TBC1D30: variants seen among roughly 807,000 people sequenced by gnomAD.
The protein encoded by TBC1D30 is TBC1 domain family member 30.
TBC1D30 carries 31 observed loss-of-function variants against 63.2 expected under a neutral mutation model. That is an observed-to-expected ratio of 0.49 (90% CI 0.37 to 0.66). The LOEUF (loss-of-function observed/expected upper bound fraction) is 0.66, where lower values mean the gene tolerates loss of function less well. Ranked by LOEUF, TBC1D30 falls within the 30% of genes least tolerant of loss-of-function variation. The pLI, the probability that TBC1D30 is intolerant of heterozygous loss-of-function variation, is 0.00. For synonymous variants in TBC1D30, 307 were observed against 361.5 expected, an observed-to-expected ratio of 0.85 and a Z score of 1.71; for missense variants, 810 against 953.6, an observed-to-expected ratio of 0.85 and a Z score of 1.98.
chr12:64,834,531 C>T (rs574978599), intron 5 of TBC1D30, among the ~76,000 whole-genome samples: 225 of 151,410 alleles, frequency 1.5e-3, no homozygotes, highest in African/African-American at 5.1e-3. Flanking sequence ...CTCAGCCTCC[C>T]GAGTAGCTGG....
intron 5 of TBC1D30, among the ~76,000 whole-genome samples, 151 bp downstream of exon 5, chr12:64,832,455 C>T (rs1031527530): frequency 1.4e-4 from 21 of 152,176 alleles, no homozygotes; most frequent in African/African-American, 4.8e-4. Context: ...CAGGTTAGAG[C>T]CATGTCAAGT....
At chr12:64,774,814 C>T (rs1041331000) in intron 1 of TBC1D30, among the ~76,000 whole-genome samples, 8 of 151,972 alleles carry the variant, frequency 5.3e-5, no homozygotes, top group East Asian at 1.9e-4. Context: ...GAAAGAAGGC[C>T]GGGCATGGTG....
In TBC1D30 at chr12:64,765,490, CAAAAA is replaced by C. The variant is rs60489979; in HGVS notation, c.-376+5867_-376+5871del. ...CTGGGCGACAGAGCAAGACTGTCTCCAAAAAAAAAAAAAAAAAAAAAAAAAAAAAA... is the reference window on the plus strand; with the variant it reads ...CTGGGCGACAGAGCAAGACTGTCTCCAAAAAAAAAAAAAAAAAAAAAAAAA... On this transcript the variant is annotated intron_variant, in intron 1 of 13. Transcript: ENST00000674237. 5.1e-3 allele frequency among the ~76,000 whole-genome samples: 89 copies of C among 17,578 alleles called. 1 individual carries two copies. The highest frequency in any genetic ancestry group is 0.012 in the African/African-American group (81 of 6,530). The allele number at this position is 17,578 out of a possible 152,430, so 11.5% of individuals were successfully genotyped here. A position where few individuals can be genotyped will look rare whatever the true frequency, so the allele number is the denominator to read the frequency against.
At chr12:64,781,389 G>A in intron 1 of TBC1D30, 1 of 993,958 alleles carries the variant, frequency 1.0e-6, no homozygotes, top group East Asian at 1.1e-4. Context: ...TCGGCGGAGC[G>A]CTCAGATACT....
rs868772593 is a variant in TBC1D30 at position 64,824,768 on chromosome 12, G to T, written c.-112G>T. On this transcript the variant is annotated 5_prime_UTR_variant, in exon 1 of 12. Coordinates refer to ENST00000539867, the MANE Select transcript of TBC1D30 (RefSeq NM_015279.2). ...CCGGCTGTGCGCTCCCTGCTCCCAC[G>T]GGCCGGTCAGCCGCAGACACTCACC... 1 of 1,388,890 alleles carries T rather than the reference G, an allele frequency of 7.2e-7. No individual in the cohort carries two copies. The highest frequency in any genetic ancestry group is 9.5e-7 in the Non-Finnish European group (1 of 1,051,366). 86.0% of individuals were successfully genotyped at this position (1,388,890 alleles called of 1,614,324 possible).
intron 1 of TBC1D30, among the ~76,000 whole-genome samples, chr12:64,827,187 T>C (rs1278945573): frequency 2.0e-5 from 3 of 152,220 alleles, no homozygotes; most frequent in African/African-American, 7.2e-5. Flanking sequence ...CCGTGGCTCA[T>C]GTCTGTAATC....
chr12:64,880,565 C>T lies in TBC1D30; in HGVS notation c.*4777C>T, dbSNP rs1275040500. 1 of 152,258 alleles carries T rather than the reference C, an allele frequency of 6.6e-6. No homozygotes were observed. The highest frequency in any genetic ancestry group is 1.5e-5 in the Non-Finnish European group (1 of 68,060). 9.4% of individuals were successfully genotyped at this position (152,258 alleles called of 1,614,324 possible). On this transcript the variant is annotated 3_prime_UTR_variant, in exon 12 of 12. Transcript: ENST00000539867. ...CTTCTGATAAGGGCACTAACCTCAT[C>T]ATGAGGGTCCCATCCTCCTGGTGTC...
At position 64,775,104 on chromosome 12, in the gene TBC1D30, A is replaced by AAT. The variant is rs1555165730; in HGVS notation, c.-375-10765_-375-10764dup. Among the ~76,000 whole-genome samples the AAT allele has an allele frequency of 3.4e-3, 503 of 147,930 alleles. 5 individuals carry two copies. The highest frequency in any genetic ancestry group is 0.011 in the African/African-American group (463 of 40,352). On this transcript the variant is annotated intron_variant, in intron 1 of 13. Coordinates refer to the TBC1D30 transcript ENST00000674237. ...TGAGACTGTGTCTCAAAAAAAAAAA[A>AAT]ATATATATATATAGATATAGATATA...
intron 1 of TBC1D30, among the ~76,000 whole-genome samples, chr12:64,761,863 A>G (rs1466822044): frequency 6.6e-6 from 1 of 152,180 alleles, no homozygotes; most frequent in African/African-American, 2.4e-5. Flanking sequence ...GAGATCCAAG[A>G]ACCCTTTCTT....
At chr12:64,763,798 A>C (rs1451729054) in intron 1 of TBC1D30, among the ~76,000 whole-genome samples, 4 of 151,890 alleles carry the variant, frequency 2.6e-5, no homozygotes, top group Non-Finnish European at 5.9e-5. Context: ...TAGTAGAGAC[A>C]GTGTTTCACC....
At chr12:64,856,162 G>T (rs1877279700) in intron 8 of TBC1D30, among the ~76,000 whole-genome samples, 1 of 150,658 alleles carries the variant, frequency 6.6e-6, no homozygotes, top group Non-Finnish European at 1.5e-5. Context: ...GAGAGAGTTA[G>T]ATGGGGGGGG....
chr12:64,780,607 C>T (rs557644750), exon 1 of TBC1D30, among the ~76,000 whole-genome samples: 2,065 of 152,298 alleles, frequency 0.014, 11 homozygotes, highest in Non-Finnish European at 0.022. Flanking sequence ...TGGCAGTCTC[C>T]TTCTCGCCCG....
Position 64,877,105 on chromosome 12 carries a change from A to G in TBC1D30, c.*1317A>G, listed in dbSNP as rs1026536542. The G allele has an allele frequency of 2.5e-5, 8 of 324,598 alleles. No homozygotes were observed. Among genetic ancestry groups the G allele is most frequent in the African/African-American group, 1.1e-4 (5 of 46,388 alleles). 20.1% of individuals were successfully genotyped at this position (324,598 alleles called of 1,614,324 possible). ...CTCAAAGGACCTGTCTCCAGATGGT[A>G]CAGAGTCCCTTGATGGCATTTTACA... On this transcript the variant is annotated 3_prime_UTR_variant, in exon 12 of 12. Transcript: ENST00000539867.
intron 2 of TBC1D30, among the ~76,000 whole-genome samples, chr12:64,798,805 CTT>C (rs1227349778): frequency 5.5e-5 from 7 of 127,210 alleles, no homozygotes; most frequent in Admixed American, 8.0e-5. Context: ...CTTCAGGCAC[CTT>C]TTTTTTTTTT....
At chr12:64,822,517 T>A (rs1170653550), upstream of TBC1D30, among the ~76,000 whole-genome samples, 3 of 150,754 alleles carry the variant, frequency 2.0e-5, no homozygotes, top group Non-Finnish European at 3.0e-5. Context: ...TTTTTACTTC[T>A]GAGGCAGGGT....
At chr12:64,827,794 A>G (rs1180324386) in intron 1 of TBC1D30, 41 bp from the exon 2 acceptor site, 1 of 1,333,108 alleles carries the variant, frequency 7.5e-7, no homozygotes, top group Admixed American at 2.1e-5. Flanking sequence ...AACTTGTTAT[A>G]GTCTCCAAAA....
chr12:64,775,267 A>G (rs1420483344), intron 1 of TBC1D30, among the ~76,000 whole-genome samples: 1 of 152,140 alleles, frequency 6.6e-6, no homozygotes, highest in Non-Finnish European at 1.5e-5. Context: ...ACAGGATCAA[A>G]TGTATACATA....
chr12:64,836,913 T>C (rs763897187), intron 6 of TBC1D30, among the ~76,000 whole-genome samples: 5 of 152,222 alleles, frequency 3.3e-5, no homozygotes, highest in Non-Finnish European at 7.3e-5. Context: ...TGAAATGATG[T>C]ACTCTGGATG....
intron 8 of TBC1D30, among the ~76,000 whole-genome samples, chr12:64,845,681 G>A (rs147569662): frequency 0.035 from 5,295 of 150,008 alleles, 198 homozygotes; most frequent in East Asian, 0.15. Context: ...AGCCGAGATC[G>A]TGCCACTGTA....
Sources: allele counts gnomAD v4.1 joint callset (sites outside exome capture counted in the v4.1 genomes callset), GRCh38; gene constraint gnomAD v4.1.1; transcripts MANE v1.5; gene names NCBI Gene and HGNC (gene_info 2026-07-23, HGNC 2026-07-21).